TRAF3IP2: variants seen among roughly 807,000 people sequenced by gnomAD.
TRAF3IP2 encodes the protein TRAF3 interacting protein 2, also known as E3 ubiquitin ligase TRAF3IP2.
Under a neutral mutation model 57.9 loss-of-function variants are expected in TRAF3IP2, and 35 were observed. That is an observed-to-expected ratio of 0.60 (90% CI 0.46 to 0.80). TRAF3IP2 has a LOEUF of 0.80. Ranked by LOEUF, TRAF3IP2 falls within the 30% of genes least tolerant of loss-of-function variation. The pLI, the probability that TRAF3IP2 is intolerant of heterozygous loss-of-function variation, is 0.00. For synonymous variants in TRAF3IP2, 251 were observed against 268.9 expected (o/e 0.93, Z 0.65); for missense variants, 556 against 706.4 (o/e 0.79, Z 2.41).
chr6:111,575,040 G>A (rs1795937113), intron 4 of TRAF3IP2, among the ~76,000 whole-genome samples: 1 of 151,922 alleles, frequency 6.6e-6, no homozygotes, highest in African/African-American at 2.4e-5. Flanking sequence ...TGGGCAACAT[G>A]GCAAAACCCC....
Position 111,591,511 on chromosome 6 carries a change from C to T in TRAF3IP2, c.576G>A (p.Leu192=), listed in dbSNP as rs1338901493. 29 of 1,611,968 alleles carry T rather than the reference C, an allele frequency of 1.8e-5. No individual in the cohort carries two copies. Among genetic ancestry groups the T allele is most frequent in the Non-Finnish European group, 2.5e-5 (29 of 1,178,302 alleles). Residue 192 remains leucine, a synonymous_variant, in exon 2 of 9, where the codon CTG becomes CTA. Transcript: ENST00000368761. This position sits in a 1 kb window ranked among gnomAD's most constrained non-coding sequence, Gnocchi z 4.9. ...AATCATATCCCGTGTCTATGGTTGG[C>T]AGATCCAGGCCTGCTCGGTTCCTGT... is the stretch of plus-strand genomic sequence containing the variant. The part of the protein sequence containing the change: ...QPHRNRAGLD[L]PTIDTGYDSQ...
chr6:111,572,311 G>A (rs1480500638), intron 5 of TRAF3IP2, among the ~76,000 whole-genome samples: 2 of 152,190 alleles, frequency 1.3e-5, no homozygotes, highest in Non-Finnish European at 2.9e-5. Context: ...GCAGGGCTGG[G>A]TGAGGTCAGC....
chr6:111,579,631 C>G (rs1030799454), intron 3 of TRAF3IP2, among the ~76,000 whole-genome samples: 5 of 152,032 alleles, frequency 3.3e-5, no homozygotes, highest in Non-Finnish European at 7.4e-5. Flanking sequence ...ACTTAGGAGG[C>G]TGAGGTGGGA....
chr6:111,572,603 G>A lies in TRAF3IP2; in HGVS notation c.1290+292C>T, dbSNP rs542214923. 7.5e-5 allele frequency: 22 copies of A among 292,050 alleles called. No individual in the cohort carries two copies. In the East Asian group the frequency reaches 1.1e-3, roughly 15 times the overall value. 18.1% of individuals were successfully genotyped at this position (292,050 alleles called of 1,614,324 possible). On this transcript the variant is annotated intron_variant, in intron 5 of 8. Transcript: ENST00000368761. ...GTACAAAGTGCAGCAAGAGCCCGGC[G>A]TTTCCTTCAGGCCAGGGGCCGCTGC...
intron 5 of TRAF3IP2, among the ~76,000 whole-genome samples, chr6:111,569,260 G>C (rs757387504): frequency 6.6e-6 from 1 of 152,126 alleles, no homozygotes; most frequent in East Asian, 1.9e-4. Flanking sequence ...GAGAAGAAAC[G>C]GACAGCTTGG....
chr6:111,561,597 G>A (rs1795443499), intron 8 of TRAF3IP2, among the ~76,000 whole-genome samples: 1 of 152,120 alleles, frequency 6.6e-6, no homozygotes, highest in African/African-American at 2.4e-5. Context: ...GCATGTGTGA[G>A]GGCATGCTGA....
chr6:111,562,216 C>T (rs183479573), intron 8 of TRAF3IP2, among the ~76,000 whole-genome samples: 19 of 152,168 alleles, frequency 1.2e-4, no homozygotes, highest in African/African-American at 3.9e-4. Context: ...ATATGAATCA[C>T]GGCAAAGTTC....
rs1370942407 is a variant in TRAF3IP2 at position 111,557,365 on chromosome 6, AACAAGATAT to A, written c.*2031_*2039del. On this transcript the variant is annotated 3_prime_UTR_variant, in exon 9 of 9. Coordinates refer to ENST00000368761, the MANE Select transcript of TRAF3IP2 (RefSeq NM_147686.4). ...GTGTTCTTTTTCTGGAGACCAGGTA[AACAAGATAT>A]ATAGATACAGATAGATATCCAAAAT... The A allele has an allele frequency of 6.6e-6, 1 of 152,092 alleles. No individual in the cohort carries two copies. Among genetic ancestry groups the A allele is most frequent in the Non-Finnish European group, 1.5e-5 (1 of 68,026 alleles). 9.4% of individuals were successfully genotyped at this position (152,092 alleles called of 1,614,324 possible).
rs183360346 is a variant in TRAF3IP2, at chr6:111,589,676, A to G, written c.829+1582T>C. Among the ~76,000 whole-genome samples the G allele has an allele frequency of 4.0e-5, 6 of 151,690 alleles. No homozygotes were observed. In the East Asian group the frequency reaches 1.2e-3, roughly 29 times the overall value. ...CAGCCCAAGGCCCCATTCTCCTTACACCCTCCTGCTTCCCCAGCCCCTGCC... is the reference window on the plus strand; with the variant it reads ...CAGCCCAAGGCCCCATTCTCCTTACGCCCTCCTGCTTCCCCAGCCCCTGCC... On this transcript the variant is annotated intron_variant, in intron 2 of 8. Transcript: ENST00000368761.
At chr6:111,575,842 A>G (rs1203114353) in intron 3 of TRAF3IP2, 21 bp from the exon 4 acceptor site, 4 of 1,602,908 alleles carry the variant, frequency 2.5e-6, no homozygotes, top group Non-Finnish European at 3.4e-6. Context: ...ATACATTTAC[A>G]GTCAATTTTC....
intron 2 of TRAF3IP2, among the ~76,000 whole-genome samples, chr6:111,584,663 A>G (rs1367910142): frequency 6.6e-6 from 1 of 151,734 alleles, no homozygotes; most frequent in Admixed American, 6.6e-5. Flanking sequence ...AAAAGAAACA[A>G]GAAAAGTTGC....
Position 111,555,878 on chromosome 6 carries a change from TGGATCACGAGGTCA to T in TRAF3IP2, c.*3513_*3526del, listed in dbSNP as rs1192889775. ...CAGCAATTTGGGAGGCCGAGGCGGA[TGGATCACGAGGTCA>T]GGAGATCAAGACCATCCTGGCTAAC... On this transcript the variant is annotated 3_prime_UTR_variant, in exon 9 of 9. Transcript: ENST00000368761. 6.6e-6 allele frequency among the ~76,000 whole-genome samples: 1 copy of T among 151,986 alleles called. No individual in the cohort carries two copies. Among genetic ancestry groups the T allele is most frequent in the Non-Finnish European group, 1.5e-5 (1 of 67,998 alleles).
At chr6:111,580,440 C>T (rs933235208) in intron 2 of TRAF3IP2, 51 bp from the exon 3 acceptor site, 6 of 1,480,776 alleles carry the variant, frequency 4.1e-6, no homozygotes, top group South Asian at 1.4e-5. Flanking sequence ...CTAGCTCCTT[C>T]GTGTGAAAGG....
In TRAF3IP2 at chr6:111,575,646, A is replaced by G. The variant is rs756345544; in HGVS notation, c.1198T>C (p.Leu400=). The change falls in exon 4 of 9, where the codon TTG becomes CTG. Residue 400 remains leucine, a synonymous_variant. Transcript: ENST00000368761. The stretch of plus-strand genomic sequence containing the variant: ...AACAATGTTGCAAACAACTTACGCA[A>G]TTCTTCTGGCAAATTGCTTGTTTTT... The part of the protein sequence containing the change: ...TLKTSNLPEE[L]RKVFITYSMD... 2.5e-6 allele frequency: 4 copies of G among 1,610,638 alleles called. No homozygotes were observed. Among genetic ancestry groups the G allele is most frequent in the African/African-American group, 2.7e-5 (2 of 74,500 alleles).
intron 1 of TRAF3IP2, among the ~76,000 whole-genome samples, chr6:111,599,490 T>C (rs1275041344): frequency 6.6e-6 from 1 of 152,198 alleles, no homozygotes; most frequent in Non-Finnish European, 1.5e-5. Flanking sequence ...AATGCTCCCT[T>C]GGTGTCCCAG....
intron 1 of TRAF3IP2, chr6:111,598,138 A>T: frequency 3.5e-6 from 1 of 285,592 alleles, no homozygotes; most frequent in Non-Finnish European, 6.9e-6. Flanking sequence ...CCCAATACAG[A>T]GCCCAGGCCC....
chr6:111,597,544 T>C (rs1359110042), intron 1 of TRAF3IP2, among the ~76,000 whole-genome samples: 1 of 152,254 alleles, frequency 6.6e-6, no homozygotes, highest in Non-Finnish European at 1.5e-5. Flanking sequence ...GACAGATTAA[T>C]GGGTTATGTC....
intron 3 of TRAF3IP2, 31 bp from the exon 4 acceptor site, chr6:111,575,852 C>A: frequency 6.3e-7 from 1 of 1,597,800 alleles, no homozygotes; most frequent in Non-Finnish European, 8.5e-7. Flanking sequence ...AGTCAATTTT[C>A]ATTCTTTACA....
intron 2 of TRAF3IP2, among the ~76,000 whole-genome samples, chr6:111,580,845 TGTGCACACACAC>T (rs1796137251): frequency 6.7e-6 from 1 of 149,920 alleles, no homozygotes; most frequent in Non-Finnish European, 1.5e-5. Context: ...TACACGTGCA[TGTGCACACACAC>T]GTGCGCGCAC....
Sources: allele counts gnomAD v4.1 joint callset (sites outside exome capture counted in the v4.1 genomes callset), GRCh38; gene constraint gnomAD v4.1.1; non-coding constraint Gnocchi (gnomAD v3.1); transcripts MANE v1.5; gene names NCBI Gene and HGNC (gene_info 2026-07-23, HGNC 2026-07-21).